Variants in ERC1 observed in about 807,000 individuals in gnomAD.
ERC1 encodes RAB6 interacting protein 2.
In ERC1, 56 loss-of-function variants were observed where a neutral mutation model predicts 132.0. The observed-to-expected ratio is 0.42, with a 90% CI of 0.34 to 0.53. The LOEUF (loss-of-function observed/expected upper bound fraction) is 0.53. Ranked by LOEUF, ERC1 falls within the 20% of genes least tolerant of loss-of-function variation. The pLI is 0.03. For missense variants in ERC1, 1,202 were observed against 1,349.9 expected (o/e 0.89, Z 1.72); for synonymous variants, 478 against 476.1 (o/e 1.00, Z -0.05).
rs544046473 is a variant in ERC1 at position 1,329,081 on chromosome 12, G to A, written c.2780+39069G>A. Among the ~76,000 whole-genome samples the A allele has an allele frequency of 1.1e-4, 16 of 145,518 alleles. 3 individuals carry two copies. Among genetic ancestry groups the A allele is most frequent in the Admixed American group, 9.6e-4 (14 of 14,610 alleles). Reference sequence around the variant, plus strand: ...GGCTGAGGCGGGCAGATCACTTGAGGTCAGGATTTTGAGACCAACCTGGCC... The same window carrying A: ...GGCTGAGGCGGGCAGATCACTTGAGATCAGGATTTTGAGACCAACCTGGCC... On this transcript the variant is annotated intron_variant, in intron 15 of 18. Transcript: ENST00000360905.
intron 9 of ERC1, among the ~76,000 whole-genome samples, chr12:1,181,076 G>C (rs369881272): frequency 6.6e-6 from 1 of 152,168 alleles, no homozygotes; most frequent in South Asian, 2.1e-4. Context: ...GCCTCCCAAA[G>C]TGTTGGGATT....
intron 13 of ERC1, among the ~76,000 whole-genome samples, chr12:1,240,261 A>G (rs1240073510): frequency 1.3e-5 from 2 of 152,204 alleles, no homozygotes; most frequent in African/African-American, 4.8e-5. Context: ...TTAAAATTCC[A>G]ATGGTAGTAG....
At chr12:1,241,844 CTTCTTTTT>C (rs146846553) in intron 13 of ERC1, among the ~76,000 whole-genome samples, 3,182 of 97,468 alleles carry the variant, frequency 0.033, 72 homozygotes, top group African/African-American at 0.088. Context: ...ATTTCTTCTT[CTTCTTTTT>C]TTTTTTTTTT....
chr12:1,288,399 G>A (rs893039687), intron 14 of ERC1, among the ~76,000 whole-genome samples: 1 of 152,222 alleles, frequency 6.6e-6, no homozygotes, highest in Non-Finnish European at 1.5e-5. Context: ...ACAGGCACGA[G>A]CCACAGCGCC....
At chr12:1,434,804 G>A (rs2092905591) in intron 17 of ERC1, among the ~76,000 whole-genome samples, 1 of 152,142 alleles carries the variant, frequency 6.6e-6, no homozygotes, top group Non-Finnish European at 1.5e-5. Flanking sequence ...AGTATCTCTG[G>A]TGTTTACCAT....
Position 1,110,003 on chromosome 12 carries a change from C to T in ERC1, c.1162-189C>T, listed in dbSNP as rs113336829. Among the ~76,000 whole-genome samples the T allele has an allele frequency of 4.9e-3, 753 of 152,282 alleles. 5 individuals are homozygous for T. Among genetic ancestry groups the T allele is most frequent in the African/African-American group, 0.016 (663 of 41,548 alleles). On this transcript the variant is annotated intron_variant, in intron 4 of 18. Coordinates refer to ENST00000360905, the MANE Select transcript of ERC1 (RefSeq NM_178040.4). ...CAGAGGTTGCAGTGAGCTAAGATTG[C>T]GTCACTGCACTAGAGCCTGGGCGAC...
intron 18 of ERC1, among the ~76,000 whole-genome samples, chr12:1,460,829 T>C (rs976917778): frequency 6.6e-6 from 1 of 151,584 alleles, no homozygotes; most frequent in Non-Finnish European, 1.5e-5. Context: ...ACATCCTAAC[T>C]TGAACTCCAT....
intron 13 of ERC1, among the ~76,000 whole-genome samples, chr12:1,248,678 C>T (rs940040127): frequency 6.6e-6 from 1 of 152,146 alleles, no homozygotes; most frequent in Admixed American, 6.5e-5. Context: ...TTTCAGGATA[C>T]TGTTTTTTGC....
chr12:1,372,167 G>A (rs970345582), intron 16 of ERC1, among the ~76,000 whole-genome samples, 190 bp downstream of exon 16: 2 of 152,190 alleles, frequency 1.3e-5, no homozygotes, highest in Admixed American at 1.3e-4. Flanking sequence ...CAGAGCATTC[G>A]TGGTAAGAGG....
At chr12:1,137,452 C>A (rs1005687445) in intron 7 of ERC1, among the ~76,000 whole-genome samples, 1 of 151,930 alleles carries the variant, frequency 6.6e-6, no homozygotes, top group Non-Finnish European at 1.5e-5. Flanking sequence ...TATTTAACTA[C>A]GCTGAGTCAC....
chr12:1,049,480 G>T (rs557644923), intron 2 of ERC1, among the ~76,000 whole-genome samples: 42 of 152,096 alleles, frequency 2.8e-4, no homozygotes, highest in Non-Finnish European at 5.1e-4. Context: ...GCTTGGGGGT[G>T]GTCTTGCTGT....
At chr12:1,382,682 A>G (rs1440608430) in intron 16 of ERC1, among the ~76,000 whole-genome samples, 1 of 152,226 alleles carries the variant, frequency 6.6e-6, no homozygotes, top group Non-Finnish European at 1.5e-5. Flanking sequence ...ATAAATCAAC[A>G]TATTTACCTG....
At chr12:1,184,685 T>C (rs778043462) in intron 11 of ERC1, among the ~76,000 whole-genome samples, 12 of 152,246 alleles carry the variant, frequency 7.9e-5, no homozygotes, top group Non-Finnish European at 1.3e-4. Context: ...CAGCATGAGA[T>C]AATATCCTCA....
chr12:1,116,478 T>C (rs1361612042), intron 7 of ERC1, among the ~76,000 whole-genome samples: 1 of 152,212 alleles, frequency 6.6e-6, no homozygotes, highest in Non-Finnish European at 1.5e-5. Flanking sequence ...CTGGAATCTG[T>C]TAAAGTTCTA....
At chr12:1,076,455 C>T (rs1051748558) in intron 2 of ERC1, among the ~76,000 whole-genome samples, 1 of 146,248 alleles carries the variant, frequency 6.8e-6, no homozygotes, top group African/African-American at 2.5e-5. Flanking sequence ...AGTGCAGTGG[C>T]AGGATCTCAG....
At chr12:1,251,195 C>A (rs1173665309) in intron 13 of ERC1, among the ~76,000 whole-genome samples, 1 of 151,918 alleles carries the variant, frequency 6.6e-6, no homozygotes, top group Non-Finnish European at 1.5e-5. Flanking sequence ...TTTAAGAAAG[C>A]CTTTTATAAA....
chr12:1,037,758 T>TATCC (rs1434612373), intron 2 of ERC1, among the ~76,000 whole-genome samples: 3 of 152,050 alleles, frequency 2.0e-5, no homozygotes, highest in Middle Eastern at 3.2e-3. Context: ...AAAAAAGCTA[T>TATCC]ATCCGGCCTG....
chr12:1,193,457 TAGAG>T (rs1955927844), intron 12 of ERC1, among the ~76,000 whole-genome samples: 4 of 148,916 alleles, frequency 2.7e-5, no homozygotes, highest in East Asian at 3.9e-4. Flanking sequence ...CACACACACA[TAGAG>T]ATAGATAAAT....
At chr12:1,067,274 G>C (rs1344535425) in intron 2 of ERC1, among the ~76,000 whole-genome samples, 2 of 152,132 alleles carry the variant, frequency 1.3e-5, no homozygotes, top group Non-Finnish European at 2.9e-5. Context: ...CAGTGTTTCT[G>C]CTATCCGATG....
Sources: allele counts gnomAD v4.1 joint callset (sites outside exome capture counted in the v4.1 genomes callset), GRCh38; gene constraint gnomAD v4.1.1; transcripts MANE v1.5; gene names NCBI Gene and HGNC (gene_info 2026-07-23, HGNC 2026-07-21).